The following KAZN variants were observed in gnomAD, a reference collection of about 807,000 sequenced individuals.
KAZN encodes the protein kazrin, periplakin interacting protein, also known as kazrin.
KAZN carries 40 observed loss-of-function variants against 87.4 expected under a neutral mutation model. That is an observed-to-expected ratio of 0.46 (90% CI 0.36 to 0.60). The LOEUF (loss-of-function observed/expected upper bound fraction) is 0.60, where lower values mean the gene tolerates loss of function less well. Ranked by LOEUF, KAZN falls within the 20% of genes least tolerant of loss-of-function variation. KAZN has a pLI of 0.00. For missense variants in KAZN, 898 were observed against 1,073.9 expected (o/e 0.84, Z 2.29); for synonymous variants, 466 against 458.3 (o/e 1.02, Z -0.22).
chr1:14,861,461 A>T (rs1464571699), intron 1 of KAZN, among the ~76,000 whole-genome samples: 1 of 152,192 alleles, frequency 6.6e-6, no homozygotes, highest in African/African-American at 2.4e-5. Flanking sequence ...CAACAATGGG[A>T]TGTCATCATT....
chr1:14,634,320 A>G (rs918423555), intron 1 of KAZN, among the ~76,000 whole-genome samples: 7 of 152,342 alleles, frequency 4.6e-5, no homozygotes, highest in Middle Eastern at 3.4e-3. Context: ...ATAAAAGCTG[A>G]AAGATCACTG....
chr1:14,164,644 G>A (rs1214951117), intron 1 of KAZN, among the ~76,000 whole-genome samples: 5 of 149,224 alleles, frequency 3.4e-5, no homozygotes, highest in South Asian at 4.3e-4. Flanking sequence ...GGGTTCAAGC[G>A]ATTCTCCTGC....
intron 1 of KAZN, among the ~76,000 whole-genome samples, chr1:14,646,775 A>G (rs1317271073): frequency 6.6e-6 from 1 of 152,178 alleles, no homozygotes; most frequent in East Asian, 1.9e-4. Context: ...GTATGTTTCA[A>G]TTATTTACAA....
At chr1:14,324,125 G>C (rs913337518) in intron 2 of KAZN, among the ~76,000 whole-genome samples, 5 of 152,150 alleles carry the variant, frequency 3.3e-5, no homozygotes, top group African/African-American at 1.2e-4. Flanking sequence ...GGGATGTGAT[G>C]TGCCTCCCAC....
chr1:14,355,612 G>A (rs1658955003), intron 2 of KAZN, among the ~76,000 whole-genome samples: 1 of 152,094 alleles, frequency 6.6e-6, no homozygotes, highest in Non-Finnish European at 1.5e-5. Context: ...CCTGGTGTGT[G>A]ATGTTTCCCT....
At chr1:14,507,637 G>A (rs981987759) in intron 2 of KAZN, among the ~76,000 whole-genome samples, 1 of 152,078 alleles carries the variant, frequency 6.6e-6, no homozygotes, top group Non-Finnish European at 1.5e-5. Flanking sequence ...ATATGAAGGA[G>A]AGCTGTCTTT....
intron 2 of KAZN, among the ~76,000 whole-genome samples, chr1:14,298,082 G>T (rs535913729): frequency 6.6e-6 from 1 of 152,200 alleles, no homozygotes; most frequent in East Asian, 1.9e-4. Context: ...AAAATTAGCC[G>T]GGTGTGGTGG....
intron 1 of KAZN, among the ~76,000 whole-genome samples, chr1:14,805,891 T>C (rs1572531059): frequency 1.3e-5 from 2 of 151,216 alleles, no homozygotes; most frequent in African/African-American, 4.9e-5. Context: ...TTGAAGGGGG[T>C]GTACATGCTG....
chr1:13,996,425 C>A (rs1108861), intron 1 of KAZN, among the ~76,000 whole-genome samples: 22,114 of 152,212 alleles, frequency 0.15, 1,713 homozygotes, highest in Middle Eastern at 0.22. Flanking sequence ...GGACCCACAA[C>A]AGCCTAACAC....
At chr1:14,223,420 C>T (rs774048601) in intron 2 of KAZN, among the ~76,000 whole-genome samples, 20 of 152,160 alleles carry the variant, frequency 1.3e-4, no homozygotes, top group Non-Finnish European at 2.5e-4. Context: ...TAAAGCCAAG[C>T]TGTACAAACC....
chr1:14,822,231 C>T (rs889392925), intron 1 of KAZN, among the ~76,000 whole-genome samples: 3 of 152,030 alleles, frequency 2.0e-5, no homozygotes, highest in Non-Finnish European at 2.9e-5. Flanking sequence ...GGTGCCAGGC[C>T]GAGAATTCCA....
intron 1 of KAZN, among the ~76,000 whole-genome samples, chr1:14,678,131 G>T (rs1308909996): frequency 6.6e-6 from 1 of 152,148 alleles, no homozygotes; most frequent in African/African-American, 2.4e-5. Flanking sequence ...GGTGTTGCCG[G>T]AAGAGATTAA....
At chr1:14,929,338 T>C (rs1290457963) in intron 1 of KAZN, among the ~76,000 whole-genome samples, 1 of 152,250 alleles carries the variant, frequency 6.6e-6, no homozygotes, top group Non-Finnish European at 1.5e-5. Context: ...TTATTTGGCT[T>C]TCTGAGTCAT....
intron 1 of KAZN, among the ~76,000 whole-genome samples, chr1:14,842,224 C>A (rs905834565): frequency 1.3e-5 from 2 of 152,208 alleles, no homozygotes; most frequent in Non-Finnish European, 2.9e-5. Flanking sequence ...GCACTTTAAA[C>A]CATGCCTGGC....
chr1:14,944,227 TAAA>T (rs34463773), intron 1 of KAZN, among the ~76,000 whole-genome samples: 20,560 of 127,598 alleles, frequency 0.16, 1,884 homozygotes, highest in East Asian at 0.3. Flanking sequence ...CTCCCCCTCC[TAAA>T]AAAAAAAAAA....
chr1:14,505,570 T>C (rs1267421746), intron 2 of KAZN, among the ~76,000 whole-genome samples: 1 of 152,124 alleles, frequency 6.6e-6, no homozygotes, highest in Admixed American at 6.5e-5. Context: ...ATAAATTTGA[T>C]TACTCTAGAG....
chr1:14,155,095 A>T (rs11810615), intron 1 of KAZN, among the ~76,000 whole-genome samples: 1 of 151,972 alleles, frequency 6.6e-6, no homozygotes, highest in African/African-American at 2.4e-5. Context: ...TTTTTCGAAT[A>T]GTTGGAGTAT....
chr1:13,979,559 A>G (rs1030514027), intron 1 of KAZN, among the ~76,000 whole-genome samples: 2 of 152,238 alleles, frequency 1.3e-5, no homozygotes, highest in African/African-American at 4.8e-5. Context: ...TCCAGGAAGG[A>G]TTAGAAAGAA....
chr1:14,467,594 T>G (rs1041468785), intron 2 of KAZN, among the ~76,000 whole-genome samples: 1 of 149,772 alleles, frequency 6.7e-6, no homozygotes, highest in East Asian at 2.0e-4. Flanking sequence ...GTGACAAACT[T>G]TATAATCTAA....
Sources: allele counts gnomAD v4.1 joint callset (sites outside exome capture counted in the v4.1 genomes callset), GRCh38; gene constraint gnomAD v4.1.1; transcripts MANE v1.5; gene names NCBI Gene and HGNC (gene_info 2026-07-23, HGNC 2026-07-21).